The following ATP11B variants were observed in gnomAD, a reference collection of about 807,000 sequenced individuals.
ATP11B encodes phospholipid-transporting ATPase IF.
In ATP11B, 81 loss-of-function variants were observed where a neutral mutation model predicts 157.8. The ratio of observed to expected loss-of-function variants is 0.51; its 90% confidence interval spans 0.43 to 0.62. ATP11B has a LOEUF of 0.62. ATP11B is among the 20% of genes least tolerant of loss of function. ATP11B has a pLI of 0.00. For missense variants in ATP11B, 1,165 were observed against 1,402.2 expected, an observed-to-expected ratio of 0.83 and a Z score of 2.70; for synonymous variants, 451 against 469.4, an observed-to-expected ratio of 0.96 and a Z score of 0.51.
At chr3:182,880,839 G>T (rs1388232842) in intron 20 of ATP11B, 40 bp from the exon 21 acceptor site, 1 of 1,334,828 alleles carries the variant, frequency 7.5e-7, no homozygotes, top group South Asian at 1.4e-5. Flanking sequence ...CAAGAAAATT[G>T]AACTTGCGTC....
intron 24 of ATP11B, among the ~76,000 whole-genome samples, chr3:182,888,509 G>C (rs1239437031): frequency 1.3e-5 from 2 of 151,956 alleles, no homozygotes; most frequent in Non-Finnish European, 2.9e-5. Flanking sequence ...GAAGTATTAT[G>C]CCTATGTCAT....
intron 1 of ATP11B, among the ~76,000 whole-genome samples, chr3:182,811,209 C>T (rs1270925109): frequency 6.6e-6 from 1 of 152,188 alleles, no homozygotes; most frequent in Non-Finnish European, 1.5e-5. Context: ...TAGTAAACAG[C>T]ACTTCATAAA....
intron 9 of ATP11B, among the ~76,000 whole-genome samples, chr3:182,846,887 A>G (rs1719574231): frequency 6.6e-6 from 1 of 152,126 alleles, no homozygotes; most frequent in Non-Finnish European, 1.5e-5. Context: ...TGAAAATTCA[A>G]AATTATAAAC....
intron 1 of ATP11B, among the ~76,000 whole-genome samples, chr3:182,797,430 G>C (rs950305454): frequency 2.6e-5 from 4 of 152,162 alleles, no homozygotes; most frequent in Non-Finnish European, 5.9e-5. Flanking sequence ...AAACCTGGCC[G>C]GGCAAGGTGG....
At chr3:182,886,137 C>A in intron 23 of ATP11B, 127 bp downstream of exon 23, 1 of 516,164 alleles carries the variant, frequency 1.9e-6, no homozygotes, top group South Asian at 5.1e-5. Flanking sequence ...CCAGACAGAA[C>A]TTTTCTGTTT....
intron 25 of ATP11B, among the ~76,000 whole-genome samples, chr3:182,890,678 T>C (rs7638076): frequency 0.013 from 1,967 of 152,304 alleles, 48 homozygotes; most frequent in African/African-American, 0.045. Context: ...AGCATAAAGG[T>C]TACAGCACTT....
chr3:182,860,124 C>T (rs1013759687), intron 12 of ATP11B, among the ~76,000 whole-genome samples: 1 of 152,178 alleles, frequency 6.6e-6, no homozygotes, highest in Non-Finnish European at 1.5e-5. Context: ...TCTTGCATCC[C>T]ATGTCTTCCT....
intron 1 of ATP11B, among the ~76,000 whole-genome samples, chr3:182,796,707 A>G (rs1715620605): frequency 6.6e-6 from 1 of 152,226 alleles, no homozygotes; most frequent in Non-Finnish European, 1.5e-5. Context: ...TCAGGGTCAC[A>G]CATACTCTAC....
Position 182,889,478 on chromosome 3 carries a change from A to T in ATP11B, c.2912A>T (p.His971Leu). ...FLYWTILGFS[H>L]AFIFFFGSYL... ...TATTGGACCATCCTGGGCTTCAGTCATGCCTTTATTTTCTTTTTTGGATCC... is the reference window on the plus strand; with the variant it reads ...TATTGGACCATCCTGGGCTTCAGTCTTGCCTTTATTTTCTTTTTTGGATCC... The change falls in exon 25 of 30, where the codon CAT (histidine) becomes CTT (leucine). Residue 971 changes from histidine to leucine, a missense_variant. Coordinates refer to ENST00000323116, the MANE Select transcript of ATP11B (RefSeq NM_014616.3). 1 of 1,576,760 alleles carries T rather than the reference A, an allele frequency of 6.3e-7. No homozygotes were observed. Among genetic ancestry groups the T allele is most frequent in the Non-Finnish European group, 8.6e-7 (1 of 1,167,830 alleles).
chr3:182,903,617 T>C (rs1371561274), intron 28 of ATP11B, among the ~76,000 whole-genome samples: 2 of 152,178 alleles, frequency 1.3e-5, no homozygotes, highest in African/African-American at 2.4e-5. Flanking sequence ...AGTATACAAA[T>C]GGGTGTTTAA....
intron 17 of ATP11B, among the ~76,000 whole-genome samples, 159 bp from the exon 18 acceptor site, chr3:182,872,197 A>G (rs1403294694): frequency 6.6e-6 from 1 of 152,188 alleles, no homozygotes; most frequent in African/African-American, 2.4e-5. Context: ...GAGCTTTGTG[A>G]CATTATTTAT....
At chr3:182,914,198 A>G in intron 29 of ATP11B, 1 of 1,386,462 alleles carries the variant, frequency 7.2e-7, no homozygotes, top group East Asian at 2.8e-5. Flanking sequence ...AGGAAGAGAA[A>G]GCACCTTTGA....
chr3:182,821,203 G>A (rs1297942088), intron 2 of ATP11B, among the ~76,000 whole-genome samples: 1 of 151,912 alleles, frequency 6.6e-6, no homozygotes, highest in African/African-American at 2.4e-5. Context: ...TCTGCCTCTC[G>A]GGTTCAAGCC....
chr3:182,816,699 A>T (rs1716987244), intron 1 of ATP11B, among the ~76,000 whole-genome samples: 1 of 152,240 alleles, frequency 6.6e-6, no homozygotes, highest in African/African-American at 2.4e-5. Flanking sequence ...ATTTTAAGTT[A>T]AGTACTTTTA....
chr3:182,895,471 T>C (rs1020510471), intron 25 of ATP11B, among the ~76,000 whole-genome samples: 11 of 152,192 alleles, frequency 7.2e-5, no homozygotes, highest in Admixed American at 3.3e-4. Context: ...ATTTTACAAA[T>C]GAAGAAAGTG....
intron 29 of ATP11B, chr3:182,917,442 A>G: frequency 3.0e-6 from 3 of 985,356 alleles, no homozygotes; most frequent in Non-Finnish European, 3.6e-6. Context: ...ACACCAGTTA[A>G]CTTTTCCAGA....
chr3:182,918,132 G>C lies in ATP11B; in HGVS notation c.*28G>C. ...GGGCAGTAGTACTTTGTGGGAGCCA[G>C]TTCACCTCCTTTCCTAAAATTCAGT... On this transcript the variant is annotated 3_prime_UTR_variant, in exon 30 of 30. Coordinates refer to ENST00000323116, the MANE Select transcript of ATP11B (RefSeq NM_014616.3). 1.7e-5 allele frequency: 27 copies of C among 1,610,026 alleles called. No individual in the cohort carries two copies. Among genetic ancestry groups the C allele is most frequent in the Non-Finnish European group, 2.2e-5 (26 of 1,178,208 alleles).
chr3:182,811,998 A>G (rs2108491623), intron 1 of ATP11B, among the ~76,000 whole-genome samples: 1 of 152,316 alleles, frequency 6.6e-6, no homozygotes, highest in South Asian at 2.1e-4. Flanking sequence ...AATTAATAGC[A>G]CAATTGCATA....
intron 8 of ATP11B, chr3:182,843,737 AT>A (rs1333445197): frequency 6.6e-6 from 1 of 152,204 alleles, no homozygotes; most frequent in African/African-American, 2.4e-5. Flanking sequence ...CGCATTTGAC[AT>A]TCTACCTCTT....
Sources: gnomAD v4.1 joint callset for allele counts (sites outside exome capture counted in the v4.1 genomes callset) on GRCh38, gnomAD v4.1.1 for gene constraint, MANE v1.5 for transcripts, NCBI Gene and HGNC (gene_info 2026-07-23, HGNC 2026-07-21) for gene names.